The following PTDSS1 variants were observed in gnomAD, a reference collection of about 807,000 sequenced individuals.
PTDSS1 encodes the protein phosphatidylserine synthase 1, also known as PSS-1.
A neutral mutation model predicts 70.5 loss-of-function variants in PTDSS1; 45 were observed. The observed-to-expected ratio is 0.64, with a 90% CI of 0.50 to 0.82. The LOEUF (loss-of-function observed/expected upper bound fraction) is 0.82. PTDSS1 is among the 40% of genes least tolerant of loss of function. The pLI is 0.00. For missense variants in PTDSS1, 417 were observed against 586.1 expected (o/e 0.71, Z 2.98); for synonymous variants, 188 against 203.8 (o/e 0.92, Z 0.66).
At chr8:96,273,458 T>G in intron 2 of PTDSS1, 68 bp downstream of exon 2, 1 of 1,178,972 alleles carries the variant, frequency 8.5e-7, no homozygotes. Flanking sequence ...GAGATGTGAG[T>G]CATCTAGAAG....
chr8:96,264,488 T>C (rs1432691434), intron 1 of PTDSS1, among the ~76,000 whole-genome samples: 2 of 152,206 alleles, frequency 1.3e-5, no homozygotes, highest in African/African-American at 2.4e-5. Context: ...TTAGATAACA[T>C]ACATACCTGT....
At chr8:96,302,798 T>C (rs1811069163) in intron 6 of PTDSS1, among the ~76,000 whole-genome samples, 1 of 152,106 alleles carries the variant, frequency 6.6e-6, no homozygotes. Context: ...GCCAGGCTGA[T>C]CTCAAACTCC....
intron 6 of PTDSS1, among the ~76,000 whole-genome samples, chr8:96,302,866 G>A (rs1349563145): frequency 6.6e-6 from 1 of 152,148 alleles, no homozygotes; most frequent in Non-Finnish European, 1.5e-5. Flanking sequence ...AGAGGCATGA[G>A]CCACCATGCC....
rs191158063 is a variant in PTDSS1, at chr8:96,333,657, G to A, written c.*91G>A. The A allele has an allele frequency of 1.0e-5, 13 of 1,248,814 alleles. No homozygotes were observed. The highest frequency in any genetic ancestry group is 1.8e-5 in the Admixed American group (1 of 56,994). The allele number at this position is 1,248,814 out of a possible 1,614,324, so 77.4% of individuals were successfully genotyped here. On this transcript the variant is annotated 3_prime_UTR_variant, in exon 13 of 13. Coordinates refer to ENST00000517309, the MANE Select transcript of PTDSS1 (RefSeq NM_014754.3). ...GAACTCCCCGTGAGGAGGTCGAGGC[G>A]CACAGGGCAAGCAGGAAGAGGCGAG...
chr8:96,317,803 G>A (rs1811316317), intron 9 of PTDSS1, among the ~76,000 whole-genome samples: 1 of 151,340 alleles, frequency 6.6e-6, no homozygotes, highest in Non-Finnish European at 1.5e-5. Flanking sequence ...GTTCTGGCCA[G>A]TATTTTCTTA....
intron 4 of PTDSS1, 130 bp from the exon 5 acceptor site, chr8:96,294,968 T>C (rs1586194578): frequency 6.0e-6 from 5 of 831,954 alleles, no homozygotes; most frequent in Non-Finnish European, 8.6e-6. Flanking sequence ...ATTAAAACTT[T>C]CTCATTTGTT....
At chr8:96,267,287 G>A (rs926687342) in intron 1 of PTDSS1, among the ~76,000 whole-genome samples, 1 of 152,134 alleles carries the variant, frequency 6.6e-6, no homozygotes, top group African/African-American at 2.4e-5. Context: ...ACAGTTCATA[G>A]TCCTCATTGC....
chr8:96,262,523 CACA>C lies in PTDSS1; in HGVS notation c.179+308_179+310del. On this transcript the variant is annotated intron_variant, in intron 1 of 12. Transcript: ENST00000517309. This position sits in a 1 kb window ranked among gnomAD's most constrained non-coding sequence, Gnocchi z 4.4. ...ACCCACCGCACTCAGCATCGCTCCA[CACA>C]ACATCACGACGCGGGCCCCTCCTCT... 6.6e-6 allele frequency among the ~76,000 whole-genome samples: 1 copy of C among 152,306 alleles called. No individual in the cohort carries two copies. Among genetic ancestry groups the C allele is most frequent in the Middle Eastern group, 3.4e-3 (1 of 294 alleles).
intron 2 of PTDSS1, among the ~76,000 whole-genome samples, chr8:96,278,039 C>G (rs945547319): frequency 3.9e-5 from 6 of 152,240 alleles, no homozygotes; most frequent in Admixed American, 3.9e-4. Flanking sequence ...GTTCTGCCGT[C>G]TTCTAGGCTG....
chr8:96,284,548 A>C (rs1014088607), intron 3 of PTDSS1, among the ~76,000 whole-genome samples: 1 of 152,214 alleles, frequency 6.6e-6, no homozygotes, highest in African/African-American at 2.4e-5. Flanking sequence ...AAGCAATTCA[A>C]TTTCTTCAGT....
chr8:96,301,529 T>G (rs1469529060), intron 6 of PTDSS1, among the ~76,000 whole-genome samples: 1 of 151,848 alleles, frequency 6.6e-6, no homozygotes, highest in Non-Finnish European at 1.5e-5. Context: ...TTTGTTTTTG[T>G]TTTTTTTGAG....
chr8:96,324,699 A>G (rs937052240), intron 10 of PTDSS1, among the ~76,000 whole-genome samples: 1 of 152,146 alleles, frequency 6.6e-6, no homozygotes, highest in African/African-American at 2.4e-5. Flanking sequence ...CACCTCTTAA[A>G]GGCCCCACCT....
In PTDSS1 at chr8:96,287,081, G is replaced by C. The variant is rs1369272542; in HGVS notation, c.376G>C (p.Val126Leu). The C allele has an allele frequency of 6.2e-7, 1 of 1,614,002 alleles. No homozygotes were observed. The highest frequency in any genetic ancestry group is 8.5e-7 in the Non-Finnish European group (1 of 1,179,914). Residue 126 changes from valine (V) to leucine (L), a missense_variant, in exon 4 of 13, where the codon GTT becomes CTT. Around this residue, in one of 3 missense-constraint regions of PTDSS1, gnomAD observed 272 missense variants for 429.5 expected, o/e 0.63. Coordinates refer to ENST00000517309, the MANE Select transcript of PTDSS1 (RefSeq NM_014754.3). ...VFLLFLNFEQVKSLMYWLDPN... is the reference protein window; with the variant it reads ...VFLLFLNFEQLKSLMYWLDPN... Reference sequence around the variant, plus strand: ...CCTACTCTTCCTGAATTTCGAGCAGGTTAAATCTCTAATGTATTGGCTAGA... The same window carrying C: ...CCTACTCTTCCTGAATTTCGAGCAGCTTAAATCTCTAATGTATTGGCTAGA...
In PTDSS1 at chr8:96,325,468, G is replaced by A. The variant is rs185845687; in HGVS notation, c.1174-4745G>A. On this transcript the variant is annotated intron_variant, in intron 10 of 12. Transcript: ENST00000517309. Reference sequence around the variant, plus strand: ...GGATTTTTAAGGGTTGCAGTGAACCGCTGGCTTTCCCCCAGCCCCCCAGGC... The same window carrying A: ...GGATTTTTAAGGGTTGCAGTGAACCACTGGCTTTCCCCCAGCCCCCCAGGC... 2.1e-3 allele frequency among the ~76,000 whole-genome samples: 323 copies of A among 152,302 alleles called. 1 individual carries two copies. Among genetic ancestry groups the A allele is most frequent in the Non-Finnish European group, 4.0e-3 (269 of 68,030 alleles).
Position 96,262,830 on chromosome 8 carries a change from C to T in PTDSS1, c.179+611C>T, listed in dbSNP as rs1320664022. ...ACACAAGTCATCCAGCATAACACTT[C>T]CCCCAGCCTCAAACACTACCATCTG... On this transcript the variant is annotated intron_variant, in intron 1 of 12. Transcript: ENST00000517309. The surrounding 1 kb of genome is among the most constrained non-coding windows in gnomAD (Gnocchi z 4.4). 1.3e-5 allele frequency among the ~76,000 whole-genome samples: 2 copies of T among 152,196 alleles called. No homozygotes were observed. Among genetic ancestry groups the T allele is most frequent in the Non-Finnish European group, 2.9e-5 (2 of 68,042 alleles).
At position 96,315,297 on chromosome 8, in the gene PTDSS1, C is replaced by T. The variant is rs1811271816; in HGVS notation, c.1074-4949C>T. ...CAGGAGAGGGGGTCTCCCACACTCTCAGCCATCCAGGGATTGCTTGTGCAG... is the reference window on the plus strand; with the variant it reads ...CAGGAGAGGGGGTCTCCCACACTCTTAGCCATCCAGGGATTGCTTGTGCAG... On this transcript the variant is annotated intron_variant, in intron 9 of 12. Transcript: ENST00000517309. Among the ~76,000 whole-genome samples the T allele has an allele frequency of 3.3e-5, 5 of 152,334 alleles. No individual in the cohort carries two copies. The South Asian group carries it at 1.0e-3, about 32-fold the overall frequency.
At chr8:96,285,557 T>C (rs1306021795) in intron 3 of PTDSS1, among the ~76,000 whole-genome samples, 1 of 152,206 alleles carries the variant, frequency 6.6e-6, no homozygotes, top group East Asian at 1.9e-4. Flanking sequence ...TATAAGTTAT[T>C]TTCAGCTATT....
intron 4 of PTDSS1, among the ~76,000 whole-genome samples, chr8:96,288,810 G>A (rs1052004438): frequency 5.3e-5 from 8 of 150,136 alleles, no homozygotes; most frequent in Middle Eastern, 3.6e-3. Flanking sequence ...TGTATTTTTA[G>A]TAGAGACAGG....
At chr8:96,312,590 T>C (rs969472194) in intron 9 of PTDSS1, among the ~76,000 whole-genome samples, 1 of 152,128 alleles carries the variant, frequency 6.6e-6, no homozygotes, top group Non-Finnish European at 1.5e-5. Flanking sequence ...GAGAGATCAC[T>C]GGGCTTAGTG....
Sources: allele counts gnomAD v4.1 joint callset (sites outside exome capture counted in the v4.1 genomes callset), GRCh38; gene constraint gnomAD v4.1.1; regional missense constraint gnomAD v4.1.1; non-coding constraint Gnocchi (gnomAD v3.1); transcripts MANE v1.5; gene names NCBI Gene and HGNC (gene_info 2026-07-23, HGNC 2026-07-21).